CERS3: variants seen among roughly 807,000 people sequenced by gnomAD.
CERS3 encodes ceramide synthase 3.
A neutral mutation model predicts 50.3 loss-of-function variants in CERS3; 33 were observed. The observed-to-expected ratio is 0.66, with a 90% CI of 0.50 to 0.88. CERS3 has a LOEUF of 0.88. Ranked by LOEUF, CERS3 falls within the 40% of genes least tolerant of loss-of-function variation. The probability of loss-of-function intolerance (pLI) is 0.00; values close to 1 mark genes in which losing one functional copy is unlikely to be tolerated. For missense variants in CERS3, 470 were observed against 460.3 expected (o/e 1.02, Z -0.19); for synonymous variants, 176 against 155.2 (o/e 1.13, Z -0.99).
chr15:100,434,942 G>A (rs1226415833), intron 11 of CERS3, among the ~76,000 whole-genome samples: 2 of 152,154 alleles, frequency 1.3e-5, no homozygotes, highest in African/African-American at 4.8e-5. Context: ...AGAGTTTCTT[G>A]TACTTGGTTC....
intron 10 of CERS3, among the ~76,000 whole-genome samples, chr15:100,460,349 G>C (rs2034509844): frequency 6.6e-6 from 1 of 152,084 alleles, no homozygotes; most frequent in Non-Finnish European, 1.5e-5. Context: ...CCTGACACTT[G>C]GTAGTAGCCA....
intron 11 of CERS3, among the ~76,000 whole-genome samples, chr15:100,452,016 A>G (rs2034190786): frequency 6.6e-6 from 1 of 152,350 alleles, no homozygotes; most frequent in East Asian, 1.9e-4. Context: ...GAAGTCCAAT[A>G]CAATAATAGT....
At chr15:100,538,728 C>T (rs1435692566) in intron 1 of CERS3, among the ~76,000 whole-genome samples, 5 of 152,238 alleles carry the variant, frequency 3.3e-5, no homozygotes, top group Non-Finnish European at 5.9e-5. Context: ...CTGACATGCC[C>T]TGGAGACATT....
intron 11 of CERS3, among the ~76,000 whole-genome samples, chr15:100,439,800 C>T (rs1261081095): frequency 1.3e-5 from 2 of 152,298 alleles, no homozygotes; most frequent in African/African-American, 2.4e-5. Context: ...TGCAAGACTG[C>T]TGAAGTCATA....
chr15:100,450,416 CAAAAA>C (rs34873483), intron 11 of CERS3, among the ~76,000 whole-genome samples: 2 of 63,428 alleles, frequency 3.2e-5, no homozygotes, highest in South Asian at 7.6e-4. Context: ...GACTCTGTCT[CAAAAA>C]AAAAAAAAAA....
intron 5 of CERS3, among the ~76,000 whole-genome samples, chr15:100,480,357 G>C (rs1051470422): frequency 1.6e-4 from 25 of 152,166 alleles, no homozygotes; most frequent in African/African-American, 5.8e-4. Context: ...CATTATTCTG[G>C]TTATAATGGC....
intron 11 of CERS3, among the ~76,000 whole-genome samples, chr15:100,439,254 ATAAGATGTGACTAT>A (rs2142145832): frequency 6.6e-6 from 1 of 152,338 alleles, no homozygotes; most frequent in East Asian, 1.9e-4. Flanking sequence ...TTTAGAAAAA[ATAAGATGTGACTAT>A]TACCAAAAAT....
intron 10 of CERS3, among the ~76,000 whole-genome samples, chr15:100,465,682 G>C (rs1394125542): frequency 1.3e-5 from 2 of 149,988 alleles, no homozygotes; most frequent in Non-Finnish European, 3.0e-5. Context: ...TTTTGAGATG[G>C]AGTTTCACTC....
At chr15:100,410,998 C>T (rs943716153) in intron 11 of CERS3, among the ~76,000 whole-genome samples, 16 of 152,210 alleles carry the variant, frequency 1.1e-4, no homozygotes, top group Admixed American at 9.8e-4. Flanking sequence ...CCTCTGGCAA[C>T]CACCATTCCA....
intron 10 of CERS3, among the ~76,000 whole-genome samples, chr15:100,460,779 T>C (rs1345463094): frequency 6.6e-6 from 1 of 152,186 alleles, no homozygotes; most frequent in African/African-American, 2.4e-5. Flanking sequence ...AGTGTTATTA[T>C]TGACAAAAGG....
At chr15:100,427,497 G>A (rs2032886010) in intron 11 of CERS3, among the ~76,000 whole-genome samples, 1 of 152,192 alleles carries the variant, frequency 6.6e-6, no homozygotes, top group South Asian at 2.1e-4. Context: ...AGGGTTAAAA[G>A]TTATGCTGAG....
intron 2 of CERS3, chr15:100,503,728 G>A (rs1476806701): frequency 2.1e-6 from 1 of 471,006 alleles, no homozygotes; most frequent in Non-Finnish European, 4.4e-6. Flanking sequence ...TCTTCTGGCA[G>A]TGGTGTGAAG....
At chr15:100,502,591 A>G (rs896066516) in intron 2 of CERS3, among the ~76,000 whole-genome samples, 2 of 152,228 alleles carry the variant, frequency 1.3e-5, no homozygotes, top group African/African-American at 4.8e-5. Context: ...AAAATTCCCC[A>G]GGAAATAAGG....
intron 3 of CERS3, among the ~76,000 whole-genome samples, chr15:100,500,006 C>A (rs2035950728): frequency 6.6e-6 from 1 of 152,160 alleles, no homozygotes; most frequent in African/African-American, 2.4e-5. Context: ...TTTTATGTAG[C>A]TCTTAAACTA....
chr15:100,488,848 C>G (rs1050903124), intron 4 of CERS3, among the ~76,000 whole-genome samples: 1 of 150,900 alleles, frequency 6.6e-6, no homozygotes, highest in Admixed American at 6.6e-5. Flanking sequence ...GCAATCTTGG[C>G]TCACTGCAAC....
chr15:100,474,446 C>T (rs2035061532), intron 8 of CERS3, among the ~76,000 whole-genome samples: 1 of 151,580 alleles, frequency 6.6e-6, no homozygotes, highest in African/African-American at 2.4e-5. Context: ...TGCTCTGTCA[C>T]CAGGCTGCAG....
At chr15:100,451,884 C>CA (rs1304745412) in intron 11 of CERS3, among the ~76,000 whole-genome samples, 2 of 151,736 alleles carry the variant, frequency 1.3e-5, no homozygotes, top group Admixed American at 6.6e-5. Flanking sequence ...TAAAAATAGA[C>CA]AAAAAAGACC....
intron 11 of CERS3, among the ~76,000 whole-genome samples, chr15:100,438,390 C>T (rs1346872581): frequency 6.6e-6 from 1 of 151,868 alleles, no homozygotes. Flanking sequence ...TGTGGGTACC[C>T]AGTAGGTGTA....
At chr15:100,497,543 A>T (rs1243710134) in intron 3 of CERS3, among the ~76,000 whole-genome samples, 1 of 151,582 alleles carries the variant, frequency 6.6e-6, no homozygotes, top group East Asian at 1.9e-4. Context: ...CTATCTCCTC[A>T]AGTGCTAGAA....
Sources: allele counts gnomAD v4.1 joint callset (sites outside exome capture counted in the v4.1 genomes callset), GRCh38; gene constraint gnomAD v4.1.1; transcripts MANE v1.5; gene names NCBI Gene and HGNC (gene_info 2026-07-23, HGNC 2026-07-21).